RANBP2: variants seen among roughly 807,000 people sequenced by gnomAD.
RANBP2 encodes E3 SUMO-protein ligase RanBP2.
RANBP2 carries 57 observed loss-of-function variants against 303.6 expected under a neutral mutation model. That is an observed-to-expected ratio of 0.19 (90% CI 0.15 to 0.23). The LOEUF (loss-of-function observed/expected upper bound fraction) is 0.23. Ranked by LOEUF, RANBP2 falls within the 10% of genes least tolerant of loss-of-function variation. The probability of loss-of-function intolerance (pLI) is 1.00; values close to 1 mark genes in which losing one functional copy is unlikely to be tolerated. For synonymous variants in RANBP2, 1,167 were observed against 1,301.5 expected (o/e 0.90, Z 2.23); for missense variants, 3,138 against 3,780.8 (o/e 0.83, Z 4.46).
chr2:109,576,354 C>T, the RANBP2 span, among the ~76,000 whole-genome samples: 1 of 152,112 alleles, frequency 6.6e-6, no homozygotes, highest in African/African-American at 2.4e-5. Flanking sequence ...CTGCCTTGGC[C>T]TCCCAAAGCG....
the RANBP2 span, among the ~76,000 whole-genome samples, chr2:109,539,595 C>T: frequency 1.3e-5 from 2 of 152,066 alleles, no homozygotes; most frequent in African/African-American, 4.8e-5. Context: ...AAGCACGTGC[C>T]ACCATGCCAG....
the RANBP2 span, among the ~76,000 whole-genome samples, chr2:108,863,887 T>C: frequency 1.3e-5 from 2 of 152,248 alleles, no homozygotes; most frequent in Non-Finnish European, 2.9e-5. Flanking sequence ...ATGAGCGCTT[T>C]TAGCCATATA....
chr2:109,083,507 T>C, the RANBP2 span, among the ~76,000 whole-genome samples: 5 of 152,350 alleles, frequency 3.3e-5, no homozygotes, highest in East Asian at 9.6e-4. Context: ...ATCCATTGTA[T>C]GGATGTAGCA....
chr2:109,222,013 C>T, the RANBP2 span, among the ~76,000 whole-genome samples: 1 of 151,934 alleles, frequency 6.6e-6, no homozygotes, highest in African/African-American at 2.4e-5. Context: ...TACTATTCAG[C>T]CTTTCAAAAG....
chr2:109,658,890 C>A, the RANBP2 span, among the ~76,000 whole-genome samples: 1 of 152,038 alleles, frequency 6.6e-6, no homozygotes, highest in Non-Finnish European at 1.5e-5. Flanking sequence ...CATGGTGAAA[C>A]CCTGTCTCTG....
At chr2:109,371,077 G>C in the RANBP2 span, among the ~76,000 whole-genome samples, 1 of 152,224 alleles carries the variant, frequency 6.6e-6, no homozygotes, top group Non-Finnish European at 1.5e-5. Context: ...GCTCTTTGCA[G>C]CTATAATCAA....
chr2:109,648,053 T>C, the RANBP2 span, among the ~76,000 whole-genome samples: 1 of 151,420 alleles, frequency 6.6e-6, no homozygotes, highest in Admixed American at 6.6e-5. Context: ...TTAGGAGGGG[T>C]TACAGGATGG....
chr2:108,886,454 A>G, the RANBP2 span, among the ~76,000 whole-genome samples: 1 of 151,994 alleles, frequency 6.6e-6, no homozygotes, highest in African/African-American at 2.4e-5. Flanking sequence ...TCTCTCTGTC[A>G]CCCAGGCTGG....
chr2:108,999,801 A>C, the RANBP2 span, among the ~76,000 whole-genome samples: 1 of 152,124 alleles, frequency 6.6e-6, no homozygotes, highest in African/African-American at 2.4e-5. Flanking sequence ...TGGCGGGAGG[A>C]GGCATGGGGA....
the RANBP2 span, among the ~76,000 whole-genome samples, chr2:109,423,137 T>A: frequency 6.6e-6 from 1 of 151,894 alleles, no homozygotes; most frequent in Admixed American, 6.6e-5. Context: ...ACCACCCAGA[T>A]GGCACCTGAG....
the RANBP2 span, among the ~76,000 whole-genome samples, chr2:109,296,363 G>C: frequency 6.6e-6 from 1 of 151,962 alleles, no homozygotes; most frequent in Non-Finnish European, 1.5e-5. Flanking sequence ...GAGTAGCTGG[G>C]ATTACAGGTG....
chr2:109,430,809 TTG>T, the RANBP2 span, among the ~76,000 whole-genome samples: 2 of 151,958 alleles, frequency 1.3e-5, no homozygotes, highest in South Asian at 4.2e-4. Flanking sequence ...AAGCCCAGAG[TTG>T]GTCCTAATTT....
At chr2:108,748,686 TC>T (rs1202732953) in intron 8 of RANBP2, among the ~76,000 whole-genome samples, 1 of 152,160 alleles carries the variant, frequency 6.6e-6, no homozygotes, top group Non-Finnish European at 1.5e-5. Flanking sequence ...TCATACACAT[TC>T]CTGTCTTTTT....
chr2:108,770,280 A>G (rs1005199719), intron 20 of RANBP2, among the ~76,000 whole-genome samples: 3 of 152,226 alleles, frequency 2.0e-5, no homozygotes, highest in Admixed American at 6.5e-5. Flanking sequence ...TTACTGAGTA[A>G]TAGCAGAAGT....
At chr2:109,196,900 A>T in the RANBP2 span, among the ~76,000 whole-genome samples, 1 of 152,198 alleles carries the variant, frequency 6.6e-6, no homozygotes, top group Non-Finnish European at 1.5e-5. Context: ...CCGGCACATC[A>T]TAGAGGCTGG....
the RANBP2 span, among the ~76,000 whole-genome samples, chr2:109,562,911 CTTTT>C: frequency 2.1e-5 from 3 of 145,824 alleles, no homozygotes; most frequent in South Asian, 4.3e-4. Context: ...ACACACAATG[CTTTT>C]TTTTTTTTTC....
chr2:109,170,296 TCTCTTCTCTTCTCTTCTCTC>T, the RANBP2 span, among the ~76,000 whole-genome samples: 7 of 110,878 alleles, frequency 6.3e-5, no homozygotes, highest in African/African-American at 1.7e-4. Context: ...TCTCTTCTCT[TCTCTTCTCTTCTCTTCTCTC>T]CTCTCTCTCT....
At chr2:109,572,956 A>T in the RANBP2 span, among the ~76,000 whole-genome samples, 1 of 152,172 alleles carries the variant, frequency 6.6e-6, no homozygotes, top group Non-Finnish European at 1.5e-5. Context: ...GTATTTTTAC[A>T]GGGTAGTTTA....
the RANBP2 span, among the ~76,000 whole-genome samples, chr2:108,825,411 A>G: frequency 3.3e-5 from 5 of 151,644 alleles, no homozygotes; most frequent in East Asian, 7.7e-4. Context: ...TCAGTTTTAG[A>G]ACATTTTATC....
Sources: gnomAD v4.1 joint callset for allele counts (sites outside exome capture counted in the v4.1 genomes callset) on GRCh38, gnomAD v4.1.1 for gene constraint, MANE v1.5 for transcripts, NCBI Gene and HGNC (gene_info 2026-07-23, HGNC 2026-07-21) for gene names.